The following MKI67 variants were observed in gnomAD, a reference collection of about 807,000 sequenced individuals.
MKI67 encodes the protein marker of proliferation Ki-67.
MKI67 carries 152 observed loss-of-function variants against 233.5 expected under a neutral mutation model. The observed-to-expected ratio is 0.65, with a 90% confidence interval of 0.57 to 0.74. The LOEUF (loss-of-function observed/expected upper bound fraction) is 0.74, where lower values mean the gene tolerates loss of function less well. Ranked by LOEUF, MKI67 falls within the 30% of genes least tolerant of loss-of-function variation. The pLI is 0.00. For missense variants in MKI67, 3,940 were observed against 3,885.2 expected (o/e 1.01, Z -0.37); for synonymous variants, 1,465 against 1,418.5 (o/e 1.03, Z -0.74).
In MKI67 at chr10:128,107,787, C is replaced by G; in HGVS notation, c.4053G>C (p.Glu1351Asp). Reference sequence around the variant, plus strand: ...CAGTATGACCAGGGGTCTGGAAGAGCTCTTTAAAGCCAGTCAGGTCTTCCA... The same window carrying G: ...CAGTATGACCAGGGGTCTGGAAGAGGTCTTTAAAGCCAGTCAGGTCTTCCA... ...QALEDLTGFK[E>D]LFQTPGHTEE... Residue 1351 changes from glutamate (E) to aspartate (D), a missense_variant, in exon 13 of 15, where the codon GAG becomes GAC. Physicochemically the swap from Glu to Asp is conservative, Grantham distance 45. Transcript: ENST00000368654. 2 of 1,613,986 alleles carry G rather than the reference C, an allele frequency of 1.2e-6. No individual in the cohort carries two copies. Among genetic ancestry groups the G allele is most frequent in the Non-Finnish European group, 1.7e-6 (2 of 1,180,004 alleles).
Position 128,125,890 on chromosome 10 carries a change from C to T in MKI67, c.-89-134G>A. 1 of 553,318 alleles carries T rather than the reference C, an allele frequency of 1.8e-6. No homozygotes were observed. The highest frequency in any genetic ancestry group is 3.2e-6 in the Non-Finnish European group (1 of 310,874). The allele number at this position is 553,318 out of a possible 1,614,324, so 34.3% of individuals were successfully genotyped here. A position where few individuals can be genotyped will look rare whatever the true frequency, so the allele number is the denominator to read the frequency against. On this transcript the variant is annotated intron_variant, in intron 1 of 14. Transcript: ENST00000368654. The surrounding 1 kb of genome is among the most constrained non-coding windows in gnomAD (Gnocchi z 5.3). ...GACCCCAGGACGATCCGACCGCAGC[C>T]CCCGGCGCCCCAAAGTCCGGCAGCT...
rs1332496887 is a variant in MKI67 at position 128,106,643 on chromosome 10, T to G, written c.5197A>C (p.Thr1733Pro). The G allele has an allele frequency of 1.5e-5, 24 of 1,614,010 alleles. No individual in the cohort carries two copies. Among genetic ancestry groups the G allele is most frequent in the Non-Finnish European group, 2.0e-5 (24 of 1,180,026 alleles). Residue 1733 changes from threonine to proline, a missense_variant, in exon 13 of 15, where the codon ACC becomes CCC. Coordinates refer to ENST00000368654, the MANE Select transcript of MKI67 (RefSeq NM_002417.5). ...TGTGAAGCTCTGTAGGATACTTTGGTAGTTTTTTCGTTAGTCATTGATTCC... is the reference window on the plus strand; with the variant it reads ...TGTGAAGCTCTGTAGGATACTTTGGGAGTTTTTTCGTTAGTCATTGATTCC... The part of the protein sequence containing the change: ...TKESMTNEKT[T>P]KVSYRASQPD...
chr10:128,122,877 C>T lies in MKI67; in HGVS notation c.287+4G>A. On this transcript the variant is annotated splice_donor_region_variant and intron_variant, in intron 4 of 14. Coordinates refer to ENST00000368654, the MANE Select transcript of MKI67 (RefSeq NM_002417.5). Reference sequence around the variant, plus strand: ...TACTGTTAGACCAATCAGCTTTTACCTACCTGAAGGAACGATCAATAATAG... The same window carrying T: ...TACTGTTAGACCAATCAGCTTTTACTTACCTGAAGGAACGATCAATAATAG... 1 of 1,486,728 alleles carries T rather than the reference C, an allele frequency of 6.7e-7. No homozygotes were observed. The highest frequency in any genetic ancestry group is 1.2e-5 in the South Asian group (1 of 81,804). The allele number at this position is 1,486,728 out of a possible 1,614,324, so 92.1% of individuals were successfully genotyped here. A position where few individuals can be genotyped will look rare whatever the true frequency, so the allele number is the denominator to read the frequency against.
chr10:128,119,695 G>T (rs1016558059), intron 4 of MKI67, among the ~76,000 whole-genome samples: 5 of 152,308 alleles, frequency 3.3e-5, no homozygotes, highest in Admixed American at 3.3e-4. Context: ...GGCTTGGAAG[G>T]CCAGCCAGGA....
At chr10:128,121,760 T>G (rs981411573) in intron 4 of MKI67, among the ~76,000 whole-genome samples, 26 of 151,440 alleles carry the variant, frequency 1.7e-4, no homozygotes, top group Admixed American at 1.7e-3. Context: ...ATGAATGAAT[T>G]CTGTATAGTT....
In MKI67 at chr10:128,105,854, TG is replaced by T; in HGVS notation, c.5985del (p.Lys1996SerfsTer11). The T allele has an allele frequency of 6.2e-7, 1 of 1,614,158 alleles. No individual in the cohort carries two copies. Among genetic ancestry groups the T allele is most frequent in the Non-Finnish European group, 8.5e-7 (1 of 1,180,028 alleles). ...QPDPVKTPTSSKQRLKISLGK... is the reference protein window; with the variant it reads ...QPDPVKTPTSXKQRLKISLGK... ...CCCAAGGATATCTTGAGTCGTTGCT[TG>T]GAGCTTGTTGGGGTTTTGACTGGGT... On this transcript the variant is annotated frameshift_variant, in exon 13 of 15. Transcript: ENST00000368654. LOFTEE classifies it high-confidence loss of function.
chr10:128,120,985 T>C (rs1201795566), intron 4 of MKI67, among the ~76,000 whole-genome samples: 2 of 151,990 alleles, frequency 1.3e-5, no homozygotes, highest in African/African-American at 2.4e-5. Flanking sequence ...ATAACAATTA[T>C]GAAAAGTTAA....
rs1852798722 is a variant in MKI67, at chr10:128,115,992, T to C, written c.416A>G (p.Asp139Gly). 3 of 1,581,760 alleles carry C rather than the reference T, an allele frequency of 1.9e-6. 1 individual carries two copies. Among genetic ancestry groups the C allele is most frequent in the East Asian group, 2.2e-5 (1 of 44,554 alleles). ...AGTGATTTTTGAATAGGCCTTGGAA[T>C]CTTGAGCTTTCTCATCTTGGCAATG... ...FSSDPDEKAQ[D>G]SKAYSKITEG... The change falls in exon 7 of 15, where the codon GAT becomes GGT. Residue 139 changes from aspartate to glycine, a missense_variant. Asp to Gly is a moderately conservative substitution (Grantham distance 94). Coordinates refer to ENST00000368654, the MANE Select transcript of MKI67 (RefSeq NM_002417.5).
chr10:128,116,946 AC>A (rs1461529554), intron 5 of MKI67, among the ~76,000 whole-genome samples: 3 of 152,224 alleles, frequency 2.0e-5, no homozygotes. Flanking sequence ...TGTTTTCTTT[AC>A]CAAACCACTC....
chr10:128,111,516 G>A (rs1406919244), intron 11 of MKI67, 129 bp downstream of exon 11: 1 of 870,056 alleles, frequency 1.1e-6, no homozygotes, highest in South Asian at 1.9e-5. Context: ...TAAGACCCCA[G>A]AAGGGTGATT....
At position 128,107,023 on chromosome 10, in the gene MKI67, G is replaced by C. The variant is rs747264305; in HGVS notation, c.4817C>G (p.Thr1606Ser). The C allele has an allele frequency of 4.3e-6, 7 of 1,614,062 alleles. No individual in the cohort carries two copies. The highest frequency in any genetic ancestry group is 5.9e-6 in the Non-Finnish European group (7 of 1,180,022). The change falls in exon 13 of 15, where the codon ACT becomes AGT. Residue 1606 changes from threonine to serine, a missense_variant. Coordinates refer to ENST00000368654, the MANE Select transcript of MKI67 (RefSeq NM_002417.5). ...QTRGHTEESM[T>S]NDKTAKVACK... ...GGCTACTTTGGCAGTTTTATCGTTA[G>C]TCATTGATTCCTCAGTGTGACCTCG... is the stretch of plus-strand genomic sequence containing the variant.
intron 2 of MKI67, among the ~76,000 whole-genome samples, chr10:128,123,551 G>T (rs1448913066): frequency 1.3e-5 from 2 of 152,150 alleles, no homozygotes; most frequent in African/African-American, 2.4e-5. Context: ...AATATGTTTA[G>T]AGGTTTAATC....
intron 2 of MKI67, among the ~76,000 whole-genome samples, chr10:128,124,149 G>T (rs1301053524): frequency 6.6e-6 from 1 of 152,162 alleles, no homozygotes; most frequent in African/African-American, 2.4e-5. Flanking sequence ...ACTGCCACTG[G>T]AGATGAAATG....
At chr10:128,114,760 G>A (rs1349020979) in intron 7 of MKI67, among the ~76,000 whole-genome samples, 168 bp downstream of exon 7, 1 of 152,110 alleles carries the variant, frequency 6.6e-6, no homozygotes, top group Non-Finnish European at 1.5e-5. Flanking sequence ...TAGGCCTTCA[G>A]TATTCATCTA....
Position 128,103,160 on chromosome 10 carries a change from C to T in MKI67, c.8680G>A (p.Asp2894Asn), listed in dbSNP as rs1374944588. Residue 2894 changes from aspartate to asparagine, a missense_variant, in exon 13 of 15, where the codon GAC (aspartate) becomes AAC (asparagine). Transcript: ENST00000368654. The stretch of plus-strand genomic sequence containing the variant: ...CTGCTGCCAATTACATCTTCTGCGT[C>T]CAGCTTCCGCTTTGCAGGTTGCTTA... ...AFKQPAKRKLDAEDVIGSRRQ... is the reference protein window; with the variant it reads ...AFKQPAKRKLNAEDVIGSRRQ... 2 of 1,611,038 alleles carry T rather than the reference C, an allele frequency of 1.2e-6. No homozygotes were observed. Among genetic ancestry groups the T allele is most frequent in the Non-Finnish European group, 1.7e-6 (2 of 1,179,250 alleles).
chr10:128,123,177 C>T lies in MKI67; in HGVS notation c.93-8G>A. 1 of 1,607,218 alleles carries T rather than the reference C, an allele frequency of 6.2e-7. No individual in the cohort carries two copies. Among genetic ancestry groups the T allele is most frequent in the South Asian group, 1.1e-5 (1 of 90,006 alleles). The stretch of plus-strand genomic sequence containing the variant: ...ATGTCACATTCAATACCCCTTCATG[C>T]AAAAGAAGAAGGTTTTTTTGGTTGC... On this transcript the variant is annotated splice_polypyrimidine_tract_variant and splice_region_variant and intron_variant, in intron 2 of 14. Coordinates refer to ENST00000368654, the MANE Select transcript of MKI67 (RefSeq NM_002417.5).
intron 13 of MKI67, among the ~76,000 whole-genome samples, 181 bp from the exon 14 acceptor site, chr10:128,101,882 C>A (rs191760907): frequency 6.6e-6 from 1 of 152,188 alleles, no homozygotes; most frequent in South Asian, 2.1e-4. Context: ...GTACTTTGCT[C>A]CTATGGAGAA....
chr10:128,113,317 A>G (rs1053500548), intron 8 of MKI67, 110 bp downstream of exon 8: 7 of 1,241,926 alleles, frequency 5.6e-6, no homozygotes, highest in Non-Finnish European at 7.9e-6. Flanking sequence ...TTCTTTAATA[A>G]ATAAATAAAG....
At position 128,115,126 on chromosome 10, in the gene MKI67, T is replaced by C. The variant is rs777494417; in HGVS notation, c.1282A>G (p.Thr428Ala). ...LSSKTRGSIP[T>A]DVEVLPTETE... ...TCCGTAGGCAGAACTTCCACATCTGTAGGAATACTTCCTCTGGTTTTGGAA... is the reference window on the plus strand; with the variant it reads ...TCCGTAGGCAGAACTTCCACATCTGCAGGAATACTTCCTCTGGTTTTGGAA... The change falls in exon 7 of 15, where the codon ACA becomes GCA. Residue 428 changes from threonine to alanine, a missense_variant. Transcript: ENST00000368654. The C allele has an allele frequency of 9.9e-6, 16 of 1,614,218 alleles. No homozygotes were observed. Among genetic ancestry groups the C allele is most frequent in the Non-Finnish European group, 1.4e-5 (16 of 1,180,030 alleles).
Sources: gnomAD v4.1 joint callset for allele counts (sites outside exome capture counted in the v4.1 genomes callset) on GRCh38, gnomAD v4.1.1 for gene constraint, Gnocchi (gnomAD v3.1) non-coding constraint, MANE v1.5 for transcripts, NCBI Gene and HGNC (gene_info 2026-07-23, HGNC 2026-07-21) for gene names.